Variants in GNG7 observed in about 807,000 individuals in gnomAD.
GNG7 encodes the protein G protein subunit gamma 7, also known as guanine nucleotide-binding protein G(I)/G(S)/G(O) subunit gamma-7.
GNG7 carries 1 observed loss-of-function variant against 4.0 expected under a neutral mutation model. That is an observed-to-expected ratio of 0.25 (90% CI 0.09 to 1.18). GNG7 has a LOEUF of 1.18. GNG7 is among the 50% of genes most tolerant of loss of function. The pLI, the probability that GNG7 is intolerant of heterozygous loss-of-function variation, is 0.50. For synonymous variants in GNG7, 34 were observed against 36.9 expected, an observed-to-expected ratio of 0.92 and a Z score of 0.29; for missense variants, 86 against 91.9, an observed-to-expected ratio of 0.94 and a Z score of 0.26.
At chr19:2,607,641 T>C (rs550623676) in intron 2 of GNG7, among the ~76,000 whole-genome samples, 227 of 150,446 alleles carry the variant, frequency 1.5e-3, no homozygotes, top group Non-Finnish European at 2.8e-3. Context: ...CTAAACTACA[T>C]TGTTATGTAT....
rs1981675109 is a variant in GNG7 at position 2,614,843 on chromosome 19, C to T, written c.-78+31381G>A. Among the ~76,000 whole-genome samples the T allele has an allele frequency of 6.6e-6, 1 of 152,182 alleles. No individual in the cohort carries two copies. Among genetic ancestry groups the T allele is most frequent in the South Asian group, 2.1e-4 (1 of 4,832 alleles). On this transcript the variant is annotated intron_variant, in intron 2 of 4. Coordinates refer to ENST00000382159, the MANE Select transcript of GNG7 (RefSeq NM_052847.3). This position sits in a 1 kb window ranked among gnomAD's most constrained non-coding sequence, Gnocchi z 6.0. Reference sequence around the variant, plus strand: ...GGTCATGTGGCGACTCCGCGTTCAGCCTTTTGAGGAACCACCAGACTGGTT... The same window carrying T: ...GGTCATGTGGCGACTCCGCGTTCAGTCTTTTGAGGAACCACCAGACTGGTT...
chr19:2,696,342 G>GAAAGAA lies in GNG7; in HGVS notation c.-135+6298_-135+6303dup, dbSNP rs1555705084. Among the ~76,000 whole-genome samples the GAAAGAA allele has an allele frequency of 1.2e-3, 151 of 128,650 alleles. 2 individuals are homozygous for GAAAGAA. Among genetic ancestry groups the GAAAGAA allele is most frequent in the African/African-American group, 4.2e-3 (135 of 31,944 alleles). 84.4% of individuals were successfully genotyped at this position (128,650 alleles called of 152,430 possible). A position where few individuals can be genotyped will look rare whatever the true frequency, so the allele number is the denominator to read the frequency against. Reference sequence around the variant, plus strand: ...AGAAAGAAAGAAAGAAAGAAAGAAAGAAAGAAAAGAAAGAAAAGAAAGAAA... The same window carrying GAAAGAA: ...AGAAAGAAAGAAAGAAAGAAAGAAAGAAAGAAAAAGAAAAGAAAGAAAAGAAAGAAA... On this transcript the variant is annotated intron_variant, in intron 1 of 4. Coordinates refer to ENST00000382159, the MANE Select transcript of GNG7 (RefSeq NM_052847.3).
At chr19:2,642,948 C>A (rs944835429) in intron 2 of GNG7, 8 of 450,950 alleles carry the variant, frequency 1.8e-5, no homozygotes, top group Admixed American at 4.8e-5. Context: ...GCTCTGCACA[C>A]CTTCTGGCCC....
At chr19:2,604,585 GAA>G (rs1333280707) in intron 2 of GNG7, among the ~76,000 whole-genome samples, 1 of 123,926 alleles carries the variant, frequency 8.1e-6, no homozygotes, top group African/African-American at 3.3e-5. Flanking sequence ...AGGAAAAAGA[GAA>G]AGTTTTCTGC....
At chr19:2,549,247 G>A (rs558348294) in intron 3 of GNG7, among the ~76,000 whole-genome samples, 1 of 152,152 alleles carries the variant, frequency 6.6e-6, no homozygotes, top group Non-Finnish European at 1.5e-5. Flanking sequence ...CAGCCGTGGG[G>A]GTGGAGGTGG....
intron 3 of GNG7, among the ~76,000 whole-genome samples, chr19:2,536,092 T>C (rs1239907366): frequency 6.6e-6 from 1 of 152,022 alleles, no homozygotes; most frequent in Non-Finnish European, 1.5e-5. Flanking sequence ...ACCACTGTAC[T>C]TCAGCCGGGC....
chr19:2,631,476 C>G (rs1430995750), intron 2 of GNG7, among the ~76,000 whole-genome samples: 1 of 152,250 alleles, frequency 6.6e-6, no homozygotes, highest in Non-Finnish European at 1.5e-5. Flanking sequence ...AGTATGAAAG[C>G]AGTCACTGAT....
At chr19:2,599,743 C>A (rs1057323562) in intron 2 of GNG7, among the ~76,000 whole-genome samples, 1 of 152,092 alleles carries the variant, frequency 6.6e-6, no homozygotes, top group African/African-American at 2.4e-5. Flanking sequence ...TCGAGACCAG[C>A]CTGGGCAATA....
At chr19:2,536,932 ATATTTTTATTTT>A (rs137944197) in intron 3 of GNG7, among the ~76,000 whole-genome samples, 3 of 146,248 alleles carry the variant, frequency 2.1e-5, no homozygotes, top group African/African-American at 7.6e-5. Context: ...ATATACATAC[ATATTTTTATTTT>A]TATTTTTATT....
chr19:2,599,636 G>A (rs1599414327), intron 2 of GNG7, among the ~76,000 whole-genome samples: 1 of 152,234 alleles, frequency 6.6e-6, no homozygotes. Context: ...CAAAGACGGT[G>A]CATGAAAACC....
chr19:2,517,063 TTCTC>T (rs1435542770), intron 4 of GNG7: 4 of 152,278 alleles, frequency 2.6e-5, no homozygotes, highest in Non-Finnish European at 5.9e-5. Context: ...TCAGCGACCT[TTCTC>T]TCCTTGCTTT....
intron 2 of GNG7, among the ~76,000 whole-genome samples, chr19:2,568,813 CACAT>C (rs771855402): frequency 3.3e-5 from 5 of 151,964 alleles, no homozygotes; most frequent in Non-Finnish European, 7.4e-5. Context: ...TATATACACA[CACAT>C]ATACACACAA....
At chr19:2,671,032 A>T (rs949109019) in intron 1 of GNG7, among the ~76,000 whole-genome samples, 1 of 151,926 alleles carries the variant, frequency 6.6e-6, no homozygotes, top group African/African-American at 2.4e-5. Flanking sequence ...TGGTGTGAGC[A>T]GGGAGCAGAC....
At chr19:2,610,324 CTT>C (rs35087960) in intron 2 of GNG7, 7,499 of 141,504 alleles carry the variant, frequency 0.053, 689 homozygotes, top group African/African-American at 0.19. Flanking sequence ...CCACACCTGG[CTT>C]TTTTTTTTTT....
At chr19:2,565,773 C>T (rs1443443696) in intron 2 of GNG7, among the ~76,000 whole-genome samples, 1 of 152,168 alleles carries the variant, frequency 6.6e-6, no homozygotes, top group Non-Finnish European at 1.5e-5. Context: ...GCTGTGTGAG[C>T]CCGGCCGAGT....
rs532799847 is a variant in GNG7 at position 2,634,900 on chromosome 19, C to T, written c.-78+11324G>A. On this transcript the variant is annotated intron_variant, in intron 2 of 4. Transcript: ENST00000382159. The surrounding 1 kb of genome is among the most constrained non-coding windows in gnomAD (Gnocchi z 5.3). The stretch of plus-strand genomic sequence containing the variant: ...CAGAAATGTTACCAAAAAAAAAAAA[C>T]CCTCGCCGGGAGAACAAGGAGCTAC... 2.3e-3 allele frequency among the ~76,000 whole-genome samples: 341 copies of T among 150,254 alleles called. No homozygotes were observed. Among genetic ancestry groups the T allele is most frequent in the Middle Eastern group, 0.01 (3 of 288 alleles).
intron 2 of GNG7, among the ~76,000 whole-genome samples, chr19:2,608,974 G>A (rs1043873379): frequency 1.3e-5 from 2 of 152,012 alleles, no homozygotes; most frequent in Admixed American, 6.6e-5. Flanking sequence ...CATTCACAAC[G>A]TTGTACAAAC....
At chr19:2,648,297 G>A (rs539325992) in intron 1 of GNG7, among the ~76,000 whole-genome samples, 1 of 152,076 alleles carries the variant, frequency 6.6e-6, no homozygotes, top group East Asian at 1.9e-4. Context: ...TTGGGAGGCC[G>A]AGGCAGGAGG....
chr19:2,582,603 C>T (rs1359016504), intron 2 of GNG7, among the ~76,000 whole-genome samples: 2 of 151,094 alleles, frequency 1.3e-5, no homozygotes, highest in Admixed American at 6.6e-5. Flanking sequence ...CTAGCTCCAC[C>T]TTCCAAGTAG....
Sources: allele counts gnomAD v4.1 joint callset (sites outside exome capture counted in the v4.1 genomes callset), GRCh38; gene constraint gnomAD v4.1.1; non-coding constraint Gnocchi (gnomAD v3.1); transcripts MANE v1.5; gene names NCBI Gene and HGNC (gene_info 2026-07-23, HGNC 2026-07-21).